The following TTC39B variants were observed in gnomAD, a reference collection of about 807,000 sequenced individuals.
The protein encoded by TTC39B is tetratricopeptide repeat protein 39B.
TTC39B carries 92 observed loss-of-function variants against 96.6 expected under a neutral mutation model. The observed-to-expected ratio is 0.95, with a 90% CI of 0.80 to 1.13. TTC39B has a LOEUF of 1.13. Among genes scored for constraint, TTC39B ranks in the 50% most tolerant of loss-of-function variants. The pLI is 0.00. For missense variants in TTC39B, 955 were observed against 809.3 expected (o/e 1.18, Z -2.18); for synonymous variants, 367 against 299.4 (o/e 1.23, Z -2.33).
chr9:15,250,807 T>C lies in TTC39B; in HGVS notation c.275+17107A>G, dbSNP rs79485543. 6.0e-3 allele frequency among the ~76,000 whole-genome samples: 909 copies of C among 152,364 alleles called. 9 individuals carry two copies. Among genetic ancestry groups the C allele is most frequent in the African/African-American group, 0.021 (873 of 41,590 alleles). ...GCTCTCCTGGGGAATAAGGTGGTCG[T>C]TGACTTCACAAATTTCTTATCTTGC... On this transcript the variant is annotated intron_variant, in intron 2 of 19. Transcript: ENST00000512701.
chr9:15,181,950 C>T (rs1238242427), intron 17 of TTC39B, among the ~76,000 whole-genome samples: 1 of 152,198 alleles, frequency 6.6e-6, no homozygotes, highest in Non-Finnish European at 1.5e-5. Context: ...CCTCCCTCCC[C>T]AGAAAGCTAT....
At chr9:15,186,996 G>C (rs1818564621) in exon 15 of TTC39B, 2 of 1,613,230 alleles carry the variant, frequency 1.2e-6, no homozygotes, top group South Asian at 2.2e-5. Context: ...TCCTCTGGAA[G>C]CATACTCAAA....
At chr9:15,296,581 G>A (rs1281543999) in intron 1 of TTC39B, among the ~76,000 whole-genome samples, 10 of 152,010 alleles carry the variant, frequency 6.6e-5, no homozygotes, top group African/African-American at 2.4e-4. Flanking sequence ...TGCAATCTCC[G>A]CCTCCCAGGT....
chr9:15,238,491 T>A (rs1243336432), intron 2 of TTC39B, among the ~76,000 whole-genome samples: 3 of 152,136 alleles, frequency 2.0e-5, no homozygotes, highest in African/African-American at 4.8e-5. Flanking sequence ...ATATACCAAT[T>A]ATGTTCAAGC....
chr9:15,265,955 G>C (rs180940857), intron 2 of TTC39B, among the ~76,000 whole-genome samples: 4 of 152,210 alleles, frequency 2.6e-5, no homozygotes. Context: ...GCCAAGAGGA[G>C]CCTAAGGGGA....
At chr9:15,290,180 T>C (rs1163046510) in intron 1 of TTC39B, among the ~76,000 whole-genome samples, 1 of 152,240 alleles carries the variant, frequency 6.6e-6, no homozygotes, top group African/African-American at 2.4e-5. Context: ...TATAGGATGA[T>C]AGAAATGTTC....
chr9:15,207,743 C>T (rs1215176), intron 6 of TTC39B, among the ~76,000 whole-genome samples: 143,270 of 151,934 alleles, frequency 0.94, 67,677 homozygotes, highest in East Asian at 1. Flanking sequence ...CCCAGTACTT[C>T]GGGAGGCTGA....
chr9:15,269,478 T>C (rs1317038798), intron 1 of TTC39B, among the ~76,000 whole-genome samples: 7 of 152,194 alleles, frequency 4.6e-5, no homozygotes, highest in African/African-American at 1.7e-4. Context: ...TCTTTTCCCT[T>C]GTGTGGCCAT....
At chr9:15,187,024 C>T (rs1375741508) in exon 15 of TTC39B, 1 of 1,611,862 alleles carries the variant, frequency 6.2e-7, no homozygotes, top group Admixed American at 1.7e-5. Context: ...CTTTCAAGAA[C>T]ACATAAGTTG....
chr9:15,203,953 T>C (rs540313103), intron 6 of TTC39B, 63 bp from the exon 7 acceptor site: 5 of 1,469,530 alleles, frequency 3.4e-6, no homozygotes, highest in South Asian at 1.3e-5. Context: ...TGCTCTGTGA[T>C]GTTCAGGAAA....
At chr9:15,198,635 A>G (rs902793660) in intron 8 of TTC39B, among the ~76,000 whole-genome samples, 1 of 151,884 alleles carries the variant, frequency 6.6e-6, no homozygotes, top group African/African-American at 2.4e-5. Context: ...AAATTAGACT[A>G]CAGCTAAGAG....
chr9:15,198,779 C>T (rs572277603), intron 8 of TTC39B, among the ~76,000 whole-genome samples: 2 of 151,656 alleles, frequency 1.3e-5, no homozygotes, highest in Admixed American at 6.6e-5. Flanking sequence ...TGTGAATCTA[C>T]AAGAAATACA....
At chr9:15,257,945 G>A (rs1822815202) in intron 2 of TTC39B, among the ~76,000 whole-genome samples, 2 of 152,046 alleles carry the variant, frequency 1.3e-5, no homozygotes, top group Admixed American at 1.3e-4. Flanking sequence ...TGTAATCCCA[G>A]CTACTCAGGA....
chr9:15,214,279 T>G, intron 3 of TTC39B, 30 bp from the exon 4 acceptor site: 3 of 1,550,982 alleles, frequency 1.9e-6, no homozygotes, highest in Non-Finnish European at 2.7e-6. Flanking sequence ...CACAGAGAAT[T>G]TCTATAGCTT....
intron 2 of TTC39B, among the ~76,000 whole-genome samples, chr9:15,246,483 C>G (rs970948308): frequency 6.6e-6 from 1 of 152,130 alleles, no homozygotes; most frequent in East Asian, 1.9e-4. Flanking sequence ...AGATTATAAA[C>G]GGCCACAAAT....
At chr9:15,277,438 C>T (rs557118261) in intron 1 of TTC39B, among the ~76,000 whole-genome samples, 1 of 152,214 alleles carries the variant, frequency 6.6e-6, no homozygotes, top group African/African-American at 2.4e-5. Context: ...ACAACAACAA[C>T]GTAATTTATG....
At chr9:15,194,747 G>A (rs1819057675) in intron 8 of TTC39B, among the ~76,000 whole-genome samples, 1 of 152,192 alleles carries the variant, frequency 6.6e-6, no homozygotes, top group Non-Finnish European at 1.5e-5. Flanking sequence ...TGTGATGGGA[G>A]ATCTTAAATG....
intron 1 of TTC39B, among the ~76,000 whole-genome samples, chr9:15,278,836 A>G (rs1418059080): frequency 6.6e-6 from 1 of 152,212 alleles, no homozygotes; most frequent in Non-Finnish European, 1.5e-5. Context: ...AATTACTACT[A>G]TGTTCTAATA....
intron 17 of TTC39B, among the ~76,000 whole-genome samples, chr9:15,181,503 C>T (rs1285109569): frequency 6.6e-6 from 1 of 152,186 alleles, no homozygotes; most frequent in African/African-American, 2.4e-5. Context: ...AGAGGTGTTA[C>T]CCAGAGTCTG....
Sources: allele counts gnomAD v4.1 joint callset (sites outside exome capture counted in the v4.1 genomes callset), GRCh38; gene constraint gnomAD v4.1.1; transcripts MANE v1.5; gene names NCBI Gene and HGNC (gene_info 2026-07-23, HGNC 2026-07-21).